The following FUT2 variants were observed in gnomAD, a reference collection of about 807,000 sequenced individuals.
FUT2 encodes the protein fucosyltransferase 2 (H blood group).
For missense variants in FUT2, 419 were observed against 465.8 expected, an observed-to-expected ratio of 0.90 and a Z score of 0.93; for synonymous variants, 182 against 193.1, an observed-to-expected ratio of 0.94 and a Z score of 0.48.
At chr19:48,700,598 T>C (rs938454191) in intron 1 of FUT2, among the ~76,000 whole-genome samples, 1 of 152,066 alleles carries the variant, frequency 6.6e-6, no homozygotes, top group Non-Finnish European at 1.5e-5. Flanking sequence ...CCCAAAGTGC[T>C]GGGATTACAG....
intron 1 of FUT2, among the ~76,000 whole-genome samples, chr19:48,699,344 C>T (rs948989005): frequency 2.6e-5 from 4 of 151,942 alleles, no homozygotes; most frequent in Admixed American, 6.6e-5. Flanking sequence ...ATTACAGGTG[C>T]GCGCCACCAT....
chr19:48,703,817 C>T lies in FUT2; in HGVS notation c.861C>T (p.Thr287=). 1 of 1,613,638 alleles carries T rather than the reference C, an allele frequency of 6.2e-7. No individual in the cohort carries two copies. Among genetic ancestry groups the T allele is most frequent in the Non-Finnish European group, 8.5e-7 (1 of 1,180,016 alleles). The change falls in exon 2 of 2, where the codon ACC becomes ACT. Residue 287 remains threonine (T), a synonymous_variant. Transcript: ENST00000425340. ...LLTQCNHTIM[T]IGTFGIWAAY... ...CACAGTGTAACCACACCATCATGAC[C>T]ATTGGGACGTTCGGGATCTGGGCCG...
chr19:48,700,473 CCCA>C (rs1408222527), intron 1 of FUT2, among the ~76,000 whole-genome samples: 3 of 151,794 alleles, frequency 2.0e-5, no homozygotes, highest in Non-Finnish European at 2.9e-5. Flanking sequence ...ACTATAGGCG[CCCA>C]CCACCACACC....
intron 1 of FUT2, among the ~76,000 whole-genome samples, chr19:48,700,457 G>T (rs1030115120): frequency 1.3e-5 from 2 of 151,702 alleles, no homozygotes; most frequent in Admixed American, 1.3e-4. Context: ...CTCCTGAGTA[G>T]CTGGGACTAT....
intron 1 of FUT2, among the ~76,000 whole-genome samples, chr19:48,697,647 C>T (rs1568460282): frequency 1.3e-5 from 2 of 152,102 alleles, no homozygotes; most frequent in Non-Finnish European, 2.9e-5. Context: ...TGTAATACAG[C>T]ATTTCCCTTT....
chr19:48,702,503 T>C (rs1568461599), intron 1 of FUT2, among the ~76,000 whole-genome samples: 1 of 152,158 alleles, frequency 6.6e-6, no homozygotes, highest in South Asian at 2.1e-4. Context: ...CATTCACATA[T>C]ACACACATGC....
At chr19:48,698,225 C>T (rs1429650237) in intron 1 of FUT2, among the ~76,000 whole-genome samples, 2 of 151,872 alleles carry the variant, frequency 1.3e-5, no homozygotes, top group Admixed American at 1.3e-4. Context: ...CAGGGCATCT[C>T]GCCAAACCTC....
At chr19:48,699,477 C>T (rs1451490226) in intron 1 of FUT2, among the ~76,000 whole-genome samples, 6 of 152,000 alleles carry the variant, frequency 3.9e-5, no homozygotes, top group African/African-American at 1.2e-4. Context: ...GCATTACAGG[C>T]GTGAGCCACT....
chr19:48,698,982 TTCCC>T (rs1196840864), intron 1 of FUT2, among the ~76,000 whole-genome samples: 6 of 151,046 alleles, frequency 4.0e-5, no homozygotes, highest in South Asian at 2.2e-4. Context: ...TCTCTGTCCC[TTCCC>T]TCCCTCCCTC....
chr19:48,702,936 C>T lies in FUT2; in HGVS notation c.-2-19C>T, dbSNP rs757129476. 6.5e-5 allele frequency: 105 copies of T among 1,612,570 alleles called. No individual in the cohort carries two copies. In the Middle Eastern group the frequency reaches 6.6e-4, roughly 10 times the overall value. On this transcript the variant is annotated intron_variant, in intron 1 of 1. Coordinates refer to ENST00000425340, the MANE Select transcript of FUT2 (RefSeq NM_000511.6). ...CCTCCATCTCCCAGCTAACGTGTCC[C>T]GTTTTCCTCCCCTGACAGCCATGCT...
Position 48,697,322 on chromosome 19 carries a change from G to A in FUT2, c.-3+1233G>A, listed in dbSNP as rs548150596. Among the ~76,000 whole-genome samples the A allele has an allele frequency of 1.8e-4, 25 of 137,180 alleles. No individual in the cohort carries two copies. The East Asian group carries it at 6.6e-3, about 36-fold the overall frequency. The allele number at this position is 137,180 out of a possible 152,430, so 90.0% of individuals were successfully genotyped here. On this transcript the variant is annotated intron_variant, in intron 1 of 1. Transcript: ENST00000425340. ...ATTGTGCCATTGCACTCCAGCCTGG[G>A]GAACAAGAGCAAAACTCCGTCTCAA...
intron 1 of FUT2, among the ~76,000 whole-genome samples, chr19:48,697,861 A>AT (rs1173979419): frequency 4.0e-5 from 6 of 151,684 alleles, no homozygotes; most frequent in Non-Finnish European, 8.8e-5. Context: ...TGCCTGGCTA[A>AT]TTTTTTGTAT....
intron 1 of FUT2, among the ~76,000 whole-genome samples, chr19:48,700,395 C>T (rs941835771): frequency 4.6e-5 from 7 of 151,298 alleles, no homozygotes; most frequent in Admixed American, 3.9e-4. Flanking sequence ...GGCGCGATCT[C>T]GGCTCACCGC....
At chr19:48,699,896 G>A (rs1362040568) in intron 1 of FUT2, among the ~76,000 whole-genome samples, 1 of 151,970 alleles carries the variant, frequency 6.6e-6, no homozygotes, top group African/African-American at 2.4e-5. Flanking sequence ...GCTCACGCCT[G>A]TAATCCCAGC....
chr19:48,702,930 G>C (rs146522671), intron 1 of FUT2, 25 bp from the exon 2 acceptor site: 1 of 1,611,924 alleles, frequency 6.2e-7, no homozygotes, highest in South Asian at 1.1e-5. Flanking sequence ...CCCAGCTAAC[G>C]TGTCCCGTTT....
rs142071335 is a variant in FUT2, at chr19:48,700,136, G to C, written c.-2-2819G>C. On this transcript the variant is annotated intron_variant, in intron 1 of 1. Coordinates refer to ENST00000425340, the MANE Select transcript of FUT2 (RefSeq NM_000511.6). ...CCACTGCACTCCAGCCTGGGTGACA[G>C]AGCAAGACTCCATCTCAAAAAAAAA... 8.6e-3 allele frequency among the ~76,000 whole-genome samples: 996 copies of C among 115,630 alleles called. 19 individuals are homozygous for C. The highest frequency in any genetic ancestry group is 0.031 in the African/African-American group (922 of 29,336). The allele number at this position is 115,630 out of a possible 152,430, so 75.9% of individuals were successfully genotyped here.
rs144269088 is a variant in FUT2 at position 48,703,857 on chromosome 19, G to A, written c.901G>A (p.Gly301Arg). The change falls in exon 2 of 2, where the codon GGA becomes AGA. Residue 301 changes from glycine to arginine, a missense_variant. Transcript: ENST00000425340. ...GATCTGGGCCGCATACCTCACGGGC[G>A]GAGACACCATCTACCTGGCCAATTA... Reference protein sequence around the residue: ...FGIWAAYLTGGDTIYLANYTL... With the variant: ...FGIWAAYLTGRDTIYLANYTL... 9.7e-4 allele frequency: 1,566 copies of A among 1,613,614 alleles called. 34 individuals carry two copies. The highest frequency in any genetic ancestry group is 9.7e-3 in the South Asian group (878 of 90,634).
At position 48,704,054 on chromosome 19, in the gene FUT2, A is replaced by G. The variant is rs2032587744; in HGVS notation, c.*66A>G. ...CCCTCAAGATGAGTGCCCGGGCATG[A>G]GAAGCACATGGTTCCATGAGCAGGA... On this transcript the variant is annotated 3_prime_UTR_variant, in exon 2 of 2. Transcript: ENST00000425340. 7 of 1,417,284 alleles carry G rather than the reference A, an allele frequency of 4.9e-6. No homozygotes were observed. Among genetic ancestry groups the G allele is most frequent in the African/African-American group, 1.4e-5 (1 of 71,110 alleles). The allele number at this position is 1,417,284 out of a possible 1,614,324, so 87.8% of individuals were successfully genotyped here.
chr19:48,703,229 G>T lies in FUT2; in HGVS notation c.273G>T (p.Arg91=), dbSNP rs1425208783. 1 of 1,612,996 alleles carries T rather than the reference G, an allele frequency of 6.2e-7. No homozygotes were observed. Among genetic ancestry groups the T allele is most frequent in the Non-Finnish European group, 8.5e-7 (1 of 1,180,006 alleles). ...ACGCCCTGGCCAAGATGAACGGGCG[G>T]CCCGCCTTCATCCCGGCCCAGATGC... ...TLYALAKMNG[R]PAFIPAQMHS... is the part of the protein sequence containing the mutation. Residue 91 remains arginine, a synonymous_variant, in exon 2 of 2, where the codon CGG becomes CGT. Transcript: ENST00000425340.
Sources: allele counts gnomAD v4.1 joint callset (sites outside exome capture counted in the v4.1 genomes callset), GRCh38; gene constraint gnomAD v4.1.1; transcripts MANE v1.5; gene names NCBI Gene and HGNC (gene_info 2026-07-23, HGNC 2026-07-21).